UBR1: variants seen among roughly 807,000 people sequenced by gnomAD.
UBR1 encodes the protein ubiquitin protein ligase E3 component n-recognin 1.
A neutral mutation model predicts 242.1 loss-of-function variants in UBR1; 102 were observed. The observed-to-expected ratio is 0.42, with a 90% CI of 0.36 to 0.50. The LOEUF is 0.50. Among genes scored for constraint, UBR1 ranks in the 20% least tolerant of loss-of-function variants. UBR1 has a pLI of 0.01. For synonymous variants in UBR1, 675 were observed against 684.8 expected, an observed-to-expected ratio of 0.99 and a Z score of 0.22; for missense variants, 1,772 against 2,101.8, an observed-to-expected ratio of 0.84 and a Z score of 3.07.
At chr15:43,039,957 T>C (rs1464477307) in intron 15 of UBR1, among the ~76,000 whole-genome samples, 1 of 152,166 alleles carries the variant, frequency 6.6e-6, no homozygotes, top group African/African-American at 2.4e-5. Context: ...TTGTCTTTGG[T>C]TCTGTTTATA....
At chr15:43,087,787 G>C (rs181847119) in intron 1 of UBR1, among the ~76,000 whole-genome samples, 7 of 152,136 alleles carry the variant, frequency 4.6e-5, no homozygotes. Flanking sequence ...TCAAAGACTG[G>C]AAACAACCGA....
intron 6 of UBR1, among the ~76,000 whole-genome samples, chr15:43,065,218 G>A (rs16957385): frequency 0.087 from 13,184 of 152,034 alleles, 742 homozygotes; most frequent in East Asian, 0.15. Flanking sequence ...AAAAATGTTC[G>A]CTAAATACCC....
intron 42 of UBR1, among the ~76,000 whole-genome samples, chr15:42,962,036 C>T (rs1049353287): frequency 2.0e-5 from 3 of 151,808 alleles, no homozygotes; most frequent in African/African-American, 4.8e-5. Flanking sequence ...TGTGAGCCAC[C>T]GCACCCAACC....
intron 12 of UBR1, among the ~76,000 whole-genome samples, chr15:43,049,948 T>C (rs1567136910): frequency 6.6e-6 from 1 of 151,936 alleles, no homozygotes; most frequent in Non-Finnish European, 1.5e-5. Context: ...AATAAGAAGC[T>C]TCCCTGCCCC....
intron 30 of UBR1, 37 bp from the exon 31 acceptor site, chr15:43,003,967 C>T: frequency 6.4e-7 from 1 of 1,572,748 alleles, no homozygotes; most frequent in Non-Finnish European, 8.8e-7. Context: ...AAAAGAGAGA[C>T]AGGTTATCAG....
At chr15:43,049,123 C>T (rs1051851669) in intron 12 of UBR1, among the ~76,000 whole-genome samples, 3 of 152,140 alleles carry the variant, frequency 2.0e-5, no homozygotes, top group Non-Finnish European at 4.4e-5. Context: ...GTATAAAATA[C>T]TATTTTGCAC....
chr15:43,006,951 T>C (rs1393549205), intron 30 of UBR1, 128 bp downstream of exon 30: 1 of 873,788 alleles, frequency 1.1e-6, no homozygotes, highest in Non-Finnish European at 1.8e-6. Context: ...ATTATTACTT[T>C]CTTAAATATG....
rs1346917680 is a variant in UBR1 at position 42,944,455 on chromosome 15, G to T, written c.*874C>A. The stretch of plus-strand genomic sequence containing the variant: ...AATCTGATTGTTCTAATTTACAGTT[G>T]TCATGATCCACTCATTGCGAGAATT... On this transcript the variant is annotated 3_prime_UTR_variant, in exon 47 of 47. Coordinates refer to ENST00000290650, the MANE Select transcript of UBR1 (RefSeq NM_174916.3). The T allele has an allele frequency of 6.6e-6, 1 of 152,216 alleles. No individual in the cohort carries two copies. Among genetic ancestry groups the T allele is most frequent in the African/African-American group, 2.4e-5 (1 of 41,452 alleles). The allele number at this position is 152,216 out of a possible 1,614,324, so 9.4% of individuals were successfully genotyped here.
chr15:43,045,085 CATT>C (rs1163683726), intron 14 of UBR1, among the ~76,000 whole-genome samples: 3 of 151,948 alleles, frequency 2.0e-5, no homozygotes, highest in Non-Finnish European at 4.4e-5. Flanking sequence ...ATAGTAATGT[CATT>C]AATAAAACAA....
intron 16 of UBR1, 70 bp from the exon 17 acceptor site, chr15:43,037,953 C>T (rs1490333257): frequency 2.1e-6 from 3 of 1,428,720 alleles, no homozygotes; most frequent in Non-Finnish European, 1.9e-6. Context: ...TATGCCACTA[C>T]ATATTCTTCA....
At chr15:43,061,881 C>T (rs1443056987) in intron 6 of UBR1, among the ~76,000 whole-genome samples, 2 of 152,000 alleles carry the variant, frequency 1.3e-5, no homozygotes, top group African/African-American at 4.8e-5. Flanking sequence ...GTGATGGGTG[C>T]ATCAAAATCT....
At position 42,977,887 on chromosome 15, in the gene UBR1, T is replaced by C; in HGVS notation, c.4211A>G (p.His1404Arg). 6.2e-7 allele frequency: 1 copy of C among 1,612,764 alleles called. No homozygotes were observed. Among genetic ancestry groups the C allele is most frequent in the Non-Finnish European group, 8.5e-7 (1 of 1,179,096 alleles). The change falls in exon 38 of 47, where the codon CAT becomes CGT. Residue 1404 changes from histidine (H) to arginine (R), a missense_variant. This residue lies in a region of UBR1 where 965 missense variants were observed against 1,079.7 expected (regional missense o/e 0.89). Coordinates refer to ENST00000290650, the MANE Select transcript of UBR1 (RefSeq NM_174916.3). ...AAATTACTGAACACTTACCAAAACA[T>C]GAAACAGATCTATAGACAGAAGGCA... The part of the protein sequence containing the change: ...TPCLLSIDLF[H>R]VLVGAVLAFP...
chr15:43,073,249 T>C (rs928385405), intron 4 of UBR1, among the ~76,000 whole-genome samples: 5 of 152,230 alleles, frequency 3.3e-5, no homozygotes, highest in Admixed American at 2.6e-4. Context: ...TTTCAGGTGA[T>C]GACAGTATGA....
At chr15:42,987,920 T>C (rs912781913) in intron 35 of UBR1, among the ~76,000 whole-genome samples, 1 of 152,128 alleles carries the variant, frequency 6.6e-6, no homozygotes, top group Non-Finnish European at 1.5e-5. Flanking sequence ...ATTTTTTCCA[T>C]GTAATATTGC....
Position 43,002,144 on chromosome 15 carries a change from G to A in UBR1, c.3659+411C>T, listed in dbSNP as rs573413807. On this transcript the variant is annotated intron_variant, in intron 32 of 46. Transcript: ENST00000290650. ...ATAATACAAGATATAAAATGAAAAA[G>A]TATTAATTCCTTTAAAGAATAAAAA... is the stretch of plus-strand genomic sequence containing the variant. 2.6e-5 allele frequency among the ~76,000 whole-genome samples: 4 copies of A among 152,284 alleles called. No individual in the cohort carries two copies. In the East Asian group the frequency reaches 7.7e-4, roughly 29 times the overall value.
chr15:42,955,797 C>A (rs1163601029), intron 44 of UBR1, among the ~76,000 whole-genome samples: 1 of 152,106 alleles, frequency 6.6e-6, no homozygotes, highest in Non-Finnish European at 1.5e-5. Context: ...CATATTATAG[C>A]AAGGTAAGCA....
chr15:43,099,084 C>G (rs903508493), intron 1 of UBR1, among the ~76,000 whole-genome samples: 6 of 152,178 alleles, frequency 3.9e-5, no homozygotes, highest in African/African-American at 1.2e-4. Flanking sequence ...CATCTGTAAT[C>G]CCAGCACTTT....
At chr15:42,970,196 T>C (rs2032180990) in intron 40 of UBR1, among the ~76,000 whole-genome samples, 1 of 152,158 alleles carries the variant, frequency 6.6e-6, no homozygotes, top group South Asian at 2.1e-4. Flanking sequence ...ACCACACATC[T>C]ACAACCATGT....
Position 42,945,474 on chromosome 15 carries a change from T to A in UBR1, c.5109-4A>T, listed in dbSNP as rs759290276. 4.3e-6 allele frequency: 7 copies of A among 1,613,856 alleles called. No homozygotes were observed. Among genetic ancestry groups the A allele is most frequent in the Non-Finnish European group, 5.9e-6 (7 of 1,179,986 alleles). The stretch of plus-strand genomic sequence containing the variant: ...TAAATGAAGGGGGTTGCCCCTCCTT[T>A]AGGGAAAAAAGAAAAAACAACATGT... On this transcript the variant is annotated splice_region_variant and splice_polypyrimidine_tract_variant and intron_variant, in intron 46 of 46. Transcript: ENST00000290650.
Sources: allele counts gnomAD v4.1 joint callset (sites outside exome capture counted in the v4.1 genomes callset), GRCh38; gene constraint gnomAD v4.1.1; regional missense constraint gnomAD v4.1.1; transcripts MANE v1.5; gene names NCBI Gene and HGNC (gene_info 2026-07-23, HGNC 2026-07-21).